Variants in ADARB1 observed in about 807,000 individuals in gnomAD.
The protein encoded by ADARB1 is adenosine deaminase RNA specific B1.
ADARB1 carries 10 observed loss-of-function variants against 52.4 expected under a neutral mutation model. The ratio of observed to expected loss-of-function variants is 0.19; its 90% confidence interval spans 0.12 to 0.32. The LOEUF (loss-of-function observed/expected upper bound fraction) is 0.32, where lower values mean the gene tolerates loss of function less well. Ranked by LOEUF, ADARB1 falls within the 10% of genes least tolerant of loss-of-function variation. The pLI, the probability that ADARB1 is intolerant of heterozygous loss-of-function variation, is 1.00. For synonymous variants in ADARB1, 349 were observed against 371.1 expected (o/e 0.94, Z 0.68); for missense variants, 643 against 922.3 (o/e 0.70, Z 3.92).
chr21:45,077,941 T>A (rs1428137715), intron 1 of ADARB1, among the ~76,000 whole-genome samples: 1 of 152,208 alleles, frequency 6.6e-6, no homozygotes, highest in Non-Finnish European at 1.5e-5. Flanking sequence ...GACAGCGCAG[T>A]AGCCCACAGA....
At chr21:45,120,045 T>G (rs2145791876) in intron 1 of ADARB1, among the ~76,000 whole-genome samples, 1 of 152,376 alleles carries the variant, frequency 6.6e-6, no homozygotes, top group East Asian at 1.9e-4. Flanking sequence ...TAGACCTCTA[T>G]AAAGCCTAGT....
At chr21:45,082,889 AC>A (rs1432066497) in intron 1 of ADARB1, among the ~76,000 whole-genome samples, 1 of 152,142 alleles carries the variant, frequency 6.6e-6, no homozygotes, top group African/African-American at 2.4e-5. Flanking sequence ...GGAAGACATC[AC>A]GTCATTCTCC....
chr21:45,086,169 T>G (rs2086335547), intron 1 of ADARB1, among the ~76,000 whole-genome samples: 1 of 152,236 alleles, frequency 6.6e-6, no homozygotes, highest in Admixed American at 6.5e-5. Flanking sequence ...CTTTTCACAC[T>G]GCATTGAGAA....
At chr21:45,177,755 C>T (rs763527128) in intron 4 of ADARB1, among the ~76,000 whole-genome samples, 1 of 152,066 alleles carries the variant, frequency 6.6e-6, no homozygotes, top group Non-Finnish European at 1.5e-5. Context: ...ATTAGAACAA[C>T]CTCTGTGCAG....
chr21:45,143,461 C>T (rs1037245788), intron 2 of ADARB1, among the ~76,000 whole-genome samples: 2 of 152,216 alleles, frequency 1.3e-5, no homozygotes, highest in African/African-American at 4.8e-5. Context: ...TGGGCGGTGC[C>T]TTCAGGACAT....
At chr21:45,213,070 G>A (rs545666262) in intron 9 of ADARB1, among the ~76,000 whole-genome samples, 2 of 152,302 alleles carry the variant, frequency 1.3e-5, no homozygotes, top group East Asian at 3.9e-4. Context: ...CAGGGGGATG[G>A]TGAAGTCAGA....
At chr21:45,193,042 A>C (rs1214120702) in intron 8 of ADARB1, among the ~76,000 whole-genome samples, 1 of 152,322 alleles carries the variant, frequency 6.6e-6, no homozygotes, top group East Asian at 1.9e-4. Context: ...ATTTTGCACA[A>C]AATATTCCAA....
In ADARB1 at chr21:45,226,175, C is replaced by G. The variant is rs2093056348; in HGVS notation, c.*3978C>G. 1.3e-5 allele frequency: 2 copies of G among 152,404 alleles called. No homozygotes were observed. Among genetic ancestry groups the G allele is most frequent in the South Asian group, 4.1e-4 (2 of 4,832 alleles). 9.4% of individuals were successfully genotyped at this position (152,404 alleles called of 1,614,324 possible). ...GTTTGAAGGGACGAGTACCAAGCCA[C>G]AAGAACACTTCTTTTGGCCACAGCA... On this transcript the variant is annotated 3_prime_UTR_variant, in exon 11 of 11. Coordinates refer to ENST00000348831, the MANE Select transcript of ADARB1 (RefSeq NM_001112.4).
In ADARB1 at chr21:45,208,971, C is replaced by T. The variant is rs1281638871; in HGVS notation, c.1747+4235C>T. 3.9e-5 allele frequency among the ~76,000 whole-genome samples: 6 copies of T among 152,078 alleles called. No homozygotes were observed. Among genetic ancestry groups the T allele is most frequent in the African/African-American group, 9.7e-5 (4 of 41,408 alleles). ...TTCCTCCCCTTTGCTTTTGCTGGAC[C>T]GATTAAATTGTCTTTCCCCTTTCTT... is the stretch of plus-strand genomic sequence containing the variant. On this transcript the variant is annotated intron_variant, in intron 9 of 10. Transcript: ENST00000348831. This position sits in a 1 kb window ranked among gnomAD's most constrained non-coding sequence, Gnocchi z 5.6.
chr21:45,153,004 C>G (rs1197982303), intron 2 of ADARB1, among the ~76,000 whole-genome samples: 1 of 152,188 alleles, frequency 6.6e-6, no homozygotes, highest in Non-Finnish European at 1.5e-5. Context: ...TAGCTTTGAG[C>G]TACAGAAAAG....
chr21:45,114,138 C>T (rs1033376100), intron 1 of ADARB1, among the ~76,000 whole-genome samples: 1 of 152,152 alleles, frequency 6.6e-6, no homozygotes, highest in Non-Finnish European at 1.5e-5. Context: ...TGATATTAGG[C>T]GGTGGCTTAC....
rs1194464464 is a variant in ADARB1 at position 45,221,993 on chromosome 21, C to G, written c.1927-25C>G. The G allele has an allele frequency of 6.2e-7, 1 of 1,608,112 alleles. No individual in the cohort carries two copies. Among genetic ancestry groups the G allele is most frequent in the Non-Finnish European group, 8.5e-7 (1 of 1,175,468 alleles). On this transcript the variant is annotated intron_variant, in intron 10 of 10. Coordinates refer to ENST00000348831, the MANE Select transcript of ADARB1 (RefSeq NM_001112.4). This position sits in a 1 kb window ranked among gnomAD's most constrained non-coding sequence, Gnocchi z 4.9. ...TCATCTGTTACAGCGTCAACAGTTG[C>G]ATTTGTTTTTTTATCCCTTCACAGG...
At chr21:45,201,733 G>A (rs2092557884) in intron 8 of ADARB1, among the ~76,000 whole-genome samples, 1 of 152,226 alleles carries the variant, frequency 6.6e-6, no homozygotes, top group African/African-American at 2.4e-5. Context: ...TAGGATGGGA[G>A]CAGAGAGTCC....
chr21:45,196,304 A>T (rs1569153191), intron 8 of ADARB1, among the ~76,000 whole-genome samples: 1 of 152,082 alleles, frequency 6.6e-6, no homozygotes, highest in African/African-American at 2.4e-5. Flanking sequence ...CAGAAAAAAA[A>T]AAAGCAAAAA....
chr21:45,082,186 T>C (rs1386061724), intron 1 of ADARB1, among the ~76,000 whole-genome samples: 1 of 152,226 alleles, frequency 6.6e-6, no homozygotes, highest in Non-Finnish European at 1.5e-5. Context: ...TTGTATTGGG[T>C]TCTGTTTGAG....
At chr21:45,113,014 A>C (rs2087614555) in intron 1 of ADARB1, among the ~76,000 whole-genome samples, 1 of 152,028 alleles carries the variant, frequency 6.6e-6, no homozygotes, top group Non-Finnish European at 1.5e-5. Flanking sequence ...TATTTCACTC[A>C]TTGACTAAAC....
intron 8 of ADARB1, among the ~76,000 whole-genome samples, chr21:45,195,379 C>T (rs2092401771): frequency 6.6e-6 from 1 of 152,136 alleles, no homozygotes; most frequent in South Asian, 2.1e-4. Flanking sequence ...ACTCCCTTGT[C>T]TTTCACAGAG....
chr21:45,146,449 G>A (rs1196664273), intron 2 of ADARB1, among the ~76,000 whole-genome samples: 2 of 152,234 alleles, frequency 1.3e-5, no homozygotes, highest in African/African-American at 4.8e-5. Context: ...GGTTTCAGCC[G>A]GACCGGGACT....
chr21:45,143,895 T>G lies in ADARB1; in HGVS notation c.-48+15322T>G, dbSNP rs139218389. Among the ~76,000 whole-genome samples, 801 of 152,326 alleles carry G rather than the reference T, an allele frequency of 5.3e-3. 7 individuals carry two copies. Among genetic ancestry groups the G allele is most frequent in the African/African-American group, 0.019 (778 of 41,568 alleles). ...TAGAATAACAGCCACTGTTGTCCCC[T>G]GACACTTGACGGCAGTTCATCTTTT... On this transcript the variant is annotated intron_variant, in intron 2 of 10. Coordinates refer to ENST00000348831, the MANE Select transcript of ADARB1 (RefSeq NM_001112.4).
Sources: gnomAD v4.1 joint callset for allele counts (sites outside exome capture counted in the v4.1 genomes callset) on GRCh38, gnomAD v4.1.1 for gene constraint, Gnocchi (gnomAD v3.1) non-coding constraint, MANE v1.5 for transcripts, NCBI Gene and HGNC (gene_info 2026-07-23, HGNC 2026-07-21) for gene names.